The following DEPTOR variants were observed in gnomAD, a reference collection of about 807,000 sequenced individuals.
DEPTOR encodes the protein DEP domain-containing mTOR-interacting protein.
Under a neutral mutation model 41.6 loss-of-function variants are expected in DEPTOR, and 41 were observed. That is an observed-to-expected ratio of 0.98 (90% CI 0.77 to 1.28). The LOEUF (loss-of-function observed/expected upper bound fraction) is 1.28. DEPTOR is among the 50% of genes most tolerant of loss of function. The pLI is 0.00. For synonymous variants in DEPTOR, 195 were observed against 192.3 expected (o/e 1.01, Z -0.12); for missense variants, 514 against 527.9 (o/e 0.97, Z 0.26).
At chr8:119,959,737 G>C (rs1192085879) in intron 3 of DEPTOR, among the ~76,000 whole-genome samples, 1 of 151,824 alleles carries the variant, frequency 6.6e-6, no homozygotes, top group East Asian at 1.9e-4. Context: ...CACTGTGTTG[G>C]CCAGGCTGGT....
At chr8:119,917,530 G>A (rs934656424) in intron 1 of DEPTOR, among the ~76,000 whole-genome samples, 2 of 152,214 alleles carry the variant, frequency 1.3e-5, no homozygotes, top group African/African-American at 4.8e-5. Flanking sequence ...AAGGCAGCAA[G>A]CTCGTTAAGA....
chr8:119,888,858 C>CAAAAAAA lies in DEPTOR; in HGVS notation c.122+14907_122+14913dup, dbSNP rs34471575. ...GTGACAGAGCAAGACTCTGTCTCAG[C>CAAAAAAA]AAAAAAAAAAAAAAAAAAAAAAAGA... On this transcript the variant is annotated intron_variant, in intron 1 of 8. Coordinates refer to ENST00000286234, the MANE Select transcript of DEPTOR (RefSeq NM_022783.4). Among the ~76,000 whole-genome samples, 75 of 63,868 alleles carry CAAAAAAA rather than the reference C, an allele frequency of 1.2e-3. 4 individuals are homozygous for CAAAAAAA. The highest frequency in any genetic ancestry group is 4.6e-3 in the African/African-American group (70 of 15,156). 41.9% of individuals were successfully genotyped at this position (63,868 alleles called of 152,430 possible). A position where few individuals can be genotyped will look rare whatever the true frequency, so the allele number is the denominator to read the frequency against.
At chr8:119,943,896 G>A (rs1038982305) in intron 3 of DEPTOR, among the ~76,000 whole-genome samples, 1 of 152,036 alleles carries the variant, frequency 6.6e-6, no homozygotes, top group Non-Finnish European at 1.5e-5. Flanking sequence ...GGAGTGCAGT[G>A]GCTCAATCTT....
chr8:119,959,158 CTTTTTTTTTTTTT>C (rs60202859), intron 3 of DEPTOR, among the ~76,000 whole-genome samples: 5 of 114,870 alleles, frequency 4.4e-5, no homozygotes, highest in South Asian at 3.1e-4. Context: ...TTCTTTCTTT[CTTTTTTTTTTTTT>C]TTTTTTTTTG....
chr8:120,007,087 A>T (rs917140351), intron 7 of DEPTOR, among the ~76,000 whole-genome samples: 8 of 152,196 alleles, frequency 5.3e-5, no homozygotes, highest in Non-Finnish European at 8.8e-5. Context: ...CCATTTAAAA[A>T]TTTTTTGATG....
intron 4 of DEPTOR, among the ~76,000 whole-genome samples, chr8:120,001,028 G>A (rs1812340392): frequency 6.6e-6 from 1 of 151,460 alleles, no homozygotes; most frequent in Non-Finnish European, 1.5e-5. Context: ...AGTGAGCCGA[G>A]ATCATGCCAT....
Position 119,956,691 on chromosome 8 carries a change from CT to C in DEPTOR, c.426-8523del, listed in dbSNP as rs758085640. Among the ~76,000 whole-genome samples, 532 of 97,498 alleles carry C rather than the reference CT, an allele frequency of 5.5e-3. 1 individual carries two copies. Among genetic ancestry groups the C allele is most frequent in the East Asian group, 0.013 (44 of 3,420 alleles). 64.0% of individuals were successfully genotyped at this position (97,498 alleles called of 152,430 possible). On this transcript the variant is annotated intron_variant, in intron 3 of 8. Coordinates refer to ENST00000286234, the MANE Select transcript of DEPTOR (RefSeq NM_022783.4). The stretch of plus-strand genomic sequence containing the variant: ...TCTTGATTATCTCCACACAGGTCTC[CT>C]TTTTTTTTTTTTTTTTTAAGAGACA...
intron 1 of DEPTOR, among the ~76,000 whole-genome samples, chr8:119,908,120 C>G (rs1034141061): frequency 1.3e-5 from 2 of 152,164 alleles, no homozygotes; most frequent in Non-Finnish European, 2.9e-5. Context: ...GGAGATCAAA[C>G]TGTAAGACTC....
At chr8:119,920,281 C>A (rs1827872811) in intron 1 of DEPTOR, among the ~76,000 whole-genome samples, 1 of 152,194 alleles carries the variant, frequency 6.6e-6, no homozygotes, top group Non-Finnish European at 1.5e-5. Context: ...AATGAGATTT[C>A]TATCTCCTAC....
In DEPTOR at chr8:120,001,686, C is replaced by T. The variant is rs1203080630; in HGVS notation, c.766C>T (p.Arg256Trp). Residue 256 changes from arginine to tryptophan, a missense_variant, in exon 5 of 9, where the codon CGG becomes TGG. Coordinates refer to ENST00000286234, the MANE Select transcript of DEPTOR (RefSeq NM_022783.4). ...FCLRKQSHDN[R>W]KSTSFMSVSP... ...CCTGAGGAAGCAGAGCCATGACAATCGGAAATCTACCAGCTTTATGTCAGG... is the reference window on the plus strand; with the variant it reads ...CCTGAGGAAGCAGAGCCATGACAATTGGAAATCTACCAGCTTTATGTCAGG... 1.9e-5 allele frequency: 30 copies of T among 1,612,874 alleles called. No individual in the cohort carries two copies. The highest frequency in any genetic ancestry group is 1.1e-4 in the South Asian group (10 of 90,700).
intron 6 of DEPTOR, among the ~76,000 whole-genome samples, chr8:120,003,818 C>T (rs1232317071): frequency 6.6e-6 from 1 of 152,180 alleles, no homozygotes; most frequent in Admixed American, 6.5e-5. Context: ...ATCCTTCCTC[C>T]ACCCAATCAG....
At chr8:119,986,918 T>C (rs1828837143) in intron 4 of DEPTOR, among the ~76,000 whole-genome samples, 1 of 152,038 alleles carries the variant, frequency 6.6e-6, no homozygotes, top group African/African-American at 2.4e-5. Context: ...TTATTCTAGT[T>C]AGCAATTCCT....
At chr8:119,917,775 A>G (rs561443828) in intron 1 of DEPTOR, among the ~76,000 whole-genome samples, 4 of 152,300 alleles carry the variant, frequency 2.6e-5, no homozygotes, top group African/African-American at 7.2e-5. Context: ...CAGTTGAGAC[A>G]GGAGGAAGGT....
chr8:119,913,733 T>C (rs1827775542), intron 1 of DEPTOR, among the ~76,000 whole-genome samples: 1 of 152,142 alleles, frequency 6.6e-6, no homozygotes, highest in African/African-American at 2.4e-5. Flanking sequence ...GAGGTCTTAG[T>C]TGGGTGAGAG....
intron 4 of DEPTOR, 65 bp downstream of exon 4, chr8:119,965,475 A>C: frequency 1.3e-6 from 2 of 1,548,162 alleles, no homozygotes; most frequent in Non-Finnish European, 1.7e-6. Context: ...GTGTCTTACA[A>C]CAACACGTAC....
intron 1 of DEPTOR, among the ~76,000 whole-genome samples, chr8:119,915,159 G>T (rs1251361706): frequency 6.6e-6 from 1 of 151,748 alleles, no homozygotes; most frequent in Non-Finnish European, 1.5e-5. Flanking sequence ...GTAGAGGTGG[G>T]TTTCACCATG....
chr8:119,998,510 G>A (rs1450282484), intron 4 of DEPTOR, among the ~76,000 whole-genome samples: 2 of 152,208 alleles, frequency 1.3e-5, no homozygotes, highest in East Asian at 3.9e-4. Flanking sequence ...TTGCTTCTGG[G>A]GGAAAGTTGC....
At chr8:119,993,103 C>T (rs1007223467) in intron 4 of DEPTOR, among the ~76,000 whole-genome samples, 2 of 152,140 alleles carry the variant, frequency 1.3e-5, no homozygotes, top group African/African-American at 4.8e-5. Context: ...CTGCTAAAAT[C>T]ATCCTAATAA....
intron 6 of DEPTOR, 85 bp from the exon 7 acceptor site, chr8:120,006,720 C>T: frequency 1.6e-6 from 2 of 1,229,094 alleles, no homozygotes; most frequent in Non-Finnish European, 1.2e-6. Context: ...TGATGGTCAC[C>T]TACGAGATAT....
Sources: allele counts gnomAD v4.1 joint callset (sites outside exome capture counted in the v4.1 genomes callset), GRCh38; gene constraint gnomAD v4.1.1; transcripts MANE v1.5; gene names NCBI Gene and HGNC (gene_info 2026-07-23, HGNC 2026-07-21).